PPIL6: variants seen among roughly 807,000 people sequenced by gnomAD.
PPIL6 encodes probable inactive peptidyl-prolyl cis-trans isomerase-like 6.
PPIL6 carries 39 observed loss-of-function variants against 36.8 expected under a neutral mutation model. The ratio of observed to expected loss-of-function variants is 1.06; its 90% CI spans 0.82 to 1.38. The LOEUF (loss-of-function observed/expected upper bound fraction) is 1.38, where lower values mean the gene tolerates loss of function less well. Among genes scored for constraint, PPIL6 ranks in the 40% most tolerant of loss-of-function variants. The probability of loss-of-function intolerance (pLI) is 0.00; values close to 1 mark genes in which losing one functional copy is unlikely to be tolerated. For missense variants in PPIL6, 368 were observed against 379.1 expected (o/e 0.97, Z 0.24); for synonymous variants, 123 against 134.1 (o/e 0.92, Z 0.57).
intron 2 of PPIL6, among the ~76,000 whole-genome samples, chr6:109,432,386 C>T (rs1774205801): frequency 6.6e-6 from 1 of 152,112 alleles, no homozygotes; most frequent in Non-Finnish European, 1.5e-5. Context: ...GATGGTAAAC[C>T]TTCTAAATCT....
intron 5 of PPIL6, among the ~76,000 whole-genome samples, chr6:109,424,722 CA>C (rs1298266036): frequency 6.6e-6 from 1 of 152,144 alleles, no homozygotes; most frequent in Non-Finnish European, 1.5e-5. Context: ...CAAAACCCAC[CA>C]AAACCAAGAT....
rs200190838 is a variant in PPIL6 at position 109,426,919 on chromosome 6, G to T, written c.559C>A (p.Arg187Ser). Residue 187 changes from arginine to serine, a missense_variant, in exon 5 of 8, where the codon CGT becomes AGT. Physicochemically the swap from Arg to Ser is moderately radical, Grantham distance 110. Transcript: ENST00000521072. Reference sequence around the variant, plus strand: ...TTTTTGTAATGTAGTCTTATGCCACGTTGAGAAAACCCTGCTTTTCCTGTG... The same window carrying T: ...TTTTTGTAATGTAGTCTTATGCCACTTTGAGAAAACCCTGCTTTTCCTGTG... ...LCTGKAGFSQ[R>S]GIRLHYKNSI... 6.2e-7 allele frequency: 1 copy of T among 1,607,412 alleles called. No individual in the cohort carries two copies. Among genetic ancestry groups the T allele is most frequent in the Non-Finnish European group, 8.5e-7 (1 of 1,174,818 alleles).
rs1204333426 is a variant in PPIL6 at position 109,427,086 on chromosome 6, A to C, written c.483+8T>G. On this transcript the variant is annotated splice_region_variant and intron_variant, in intron 4 of 7. Transcript: ENST00000521072. ...CCCCACAAACTTACATATAAAAAAAAGTATCACCTCAAAAATCAATCTTCC... is the reference window on the plus strand; with the variant it reads ...CCCCACAAACTTACATATAAAAAAACGTATCACCTCAAAAATCAATCTTCC... 6.2e-7 allele frequency: 1 copy of C among 1,606,236 alleles called. No individual in the cohort carries two copies. Among genetic ancestry groups the C allele is most frequent in the Non-Finnish European group, 8.5e-7 (1 of 1,173,592 alleles).
At chr6:109,399,486 A>G (rs906371523) in intron 7 of PPIL6, among the ~76,000 whole-genome samples, 1 of 151,924 alleles carries the variant, frequency 6.6e-6, no homozygotes, top group African/African-American at 2.4e-5. Context: ...GCTCACTGCA[A>G]CCACCTCCCA....
At chr6:109,431,119 G>T (rs753624037) in intron 3 of PPIL6, 38 bp downstream of exon 3, 43 of 1,446,112 alleles carry the variant, frequency 3.0e-5, no homozygotes, top group Non-Finnish European at 4.1e-5. Flanking sequence ...AAGGGTCAAA[G>T]ATTCCACAAT....
upstream of PPIL6, chr6:109,440,969 C>T: frequency 1.4e-6 from 1 of 718,720 alleles, no homozygotes; most frequent in Admixed American, 2.8e-5. Flanking sequence ...GGAGTCGGGC[C>T]CGACCTGAGC....
chr6:109,391,795 A>G lies in PPIL6; in HGVS notation c.*1031T>C, dbSNP rs1353732685. ...CATAGGGTTGGTATGGCTCAGAGAG[A>G]TAAGGATGATGTTCATGTCATATAT... On this transcript the variant is annotated 3_prime_UTR_variant, in exon 8 of 8. Coordinates refer to ENST00000521072, the MANE Select transcript of PPIL6 (RefSeq NM_173672.5). 1 of 152,228 alleles carries G rather than the reference A, an allele frequency of 6.6e-6. No individual in the cohort carries two copies. Among genetic ancestry groups the G allele is most frequent in the Non-Finnish European group, 1.5e-5 (1 of 68,032 alleles). 9.4% of individuals were successfully genotyped at this position (152,228 alleles called of 1,614,324 possible).
At chr6:109,398,114 A>T (rs1772376318) in intron 7 of PPIL6, among the ~76,000 whole-genome samples, 3 of 151,220 alleles carry the variant, frequency 2.0e-5, no homozygotes, top group African/African-American at 4.9e-5. Context: ...ATGGTCTTGA[A>T]CTCCTGACCT....
chr6:109,438,666 G>T (rs1457708812), intron 1 of PPIL6, among the ~76,000 whole-genome samples: 1 of 151,712 alleles, frequency 6.6e-6, no homozygotes, highest in African/African-American at 2.4e-5. Flanking sequence ...TCAGCTCACC[G>T]AAACCTCCAC....
intron 6 of PPIL6, 80 bp from the exon 7 acceptor site, chr6:109,400,250 A>G: frequency 2.8e-6 from 3 of 1,083,716 alleles, no homozygotes; most frequent in Non-Finnish European, 3.9e-6. Flanking sequence ...AACAAATAGA[A>G]CCCTTGGTAA....
At chr6:109,435,232 A>G (rs1218866604) in intron 2 of PPIL6, among the ~76,000 whole-genome samples, 1 of 152,108 alleles carries the variant, frequency 6.6e-6, no homozygotes, top group Non-Finnish European at 1.5e-5. Flanking sequence ...CATCAGCGGC[A>G]AACGGCACCA....
intron 3 of PPIL6, among the ~76,000 whole-genome samples, chr6:109,430,366 T>C (rs1774067480): frequency 6.6e-6 from 1 of 151,886 alleles, no homozygotes; most frequent in Non-Finnish European, 1.5e-5. Context: ...GACTATCCTC[T>C]GCCACTGGAA....
chr6:109,409,313 G>A (rs1262415270), intron 6 of PPIL6, among the ~76,000 whole-genome samples: 1 of 152,188 alleles, frequency 6.6e-6, no homozygotes, highest in Non-Finnish European at 1.5e-5. Flanking sequence ...TGTAATCCCA[G>A]CACTTTGGAA....
At chr6:109,429,759 CCTG>C (rs1273257878) in intron 3 of PPIL6, among the ~76,000 whole-genome samples, 3 of 152,270 alleles carry the variant, frequency 2.0e-5, no homozygotes, top group Non-Finnish European at 4.4e-5. Flanking sequence ...GCCATGTCTT[CCTG>C]CTGCCAGGCC....
At chr6:109,405,484 T>G (rs1171832383) in intron 6 of PPIL6, among the ~76,000 whole-genome samples, 1 of 152,198 alleles carries the variant, frequency 6.6e-6, no homozygotes, top group Non-Finnish European at 1.5e-5. Flanking sequence ...CAGTCTGGAG[T>G]CTGTTGATTG....
chr6:109,397,866 G>C (rs910253651), intron 7 of PPIL6, among the ~76,000 whole-genome samples: 13 of 150,806 alleles, frequency 8.6e-5, no homozygotes, highest in Admixed American at 8.6e-4. Context: ...GGATTTAAAT[G>C]ATTCAAGAAA....
At chr6:109,433,022 TA>T (rs1444240844) in intron 2 of PPIL6, among the ~76,000 whole-genome samples, 2 of 152,144 alleles carry the variant, frequency 1.3e-5, no homozygotes, top group Admixed American at 6.5e-5. Flanking sequence ...TGTTTAAATT[TA>T]TCAGTGTTAC....
At chr6:109,427,644 T>C (rs7751582) in intron 3 of PPIL6, among the ~76,000 whole-genome samples, 79,411 of 151,968 alleles carry the variant, frequency 0.52, 21,890 homozygotes, top group African/African-American at 0.71. Flanking sequence ...CCTTGGCCTC[T>C]CAAAGTACTG....
chr6:109,421,591 GA>G (rs1319634151), intron 5 of PPIL6, among the ~76,000 whole-genome samples: 1 of 152,158 alleles, frequency 6.6e-6, no homozygotes, highest in Non-Finnish European at 1.5e-5. Flanking sequence ...ATATGATGAT[GA>G]TGATAATAAA....
Sources: allele counts gnomAD v4.1 joint callset (sites outside exome capture counted in the v4.1 genomes callset), GRCh38; gene constraint gnomAD v4.1.1; transcripts MANE v1.5; gene names NCBI Gene and HGNC (gene_info 2026-07-23, HGNC 2026-07-21).